Variants in SNX29 observed in about 807,000 individuals in gnomAD.
SNX29 encodes the protein sorting nexin-29.
In SNX29, 78 loss-of-function variants were observed where a neutral mutation model predicts 102.1. The observed-to-expected ratio is 0.76, with a 90% CI of 0.64 to 0.92. The LOEUF (loss-of-function observed/expected upper bound fraction) is 0.92, where lower values mean the gene tolerates loss of function less well. SNX29 is among the 40% of genes least tolerant of loss of function. The pLI is 0.00. For missense variants in SNX29, 1,280 were observed against 1,061.7 expected (o/e 1.21, Z -2.86); for synonymous variants, 580 against 414.5 (o/e 1.40, Z -4.85).
At chr16:12,136,044 G>A (rs769774911) in intron 13 of SNX29, among the ~76,000 whole-genome samples, 2 of 152,216 alleles carry the variant, frequency 1.3e-5, no homozygotes, top group African/African-American at 4.8e-5. Context: ...TCAGAGTGCC[G>A]CTGCAGACTT....
intron 1 of SNX29, chr16:11,977,302 C>A (rs3851004): frequency 0.055 from 8,510 of 156,102 alleles, 579 homozygotes; most frequent in African/African-American, 0.15. Context: ...CCAGTACCCC[C>A]GTGTCCCAGG....
intron 20 of SNX29, among the ~76,000 whole-genome samples, chr16:12,561,595 G>A (rs567417359): frequency 6.2e-4 from 94 of 152,176 alleles, no homozygotes; most frequent in Non-Finnish European, 7.1e-4. Context: ...CCGCATGCTG[G>A]TGACAGGACA....
chr16:12,067,010 AATAAATAAATAAATAAATAAAT>A lies in SNX29; in HGVS notation c.1244-2045_1244-2024del, dbSNP rs1567176123. ...AAATAAATAAATAAATAAATAAATAAATAAATAAATAAATAAATAAATAAGCAGGCCAGTCATGAGGGTGCAT... is the reference window on the plus strand; with the variant it reads ...AAATAAATAAATAAATAAATAAATAAAAGCAGGCCAGTCATGAGGGTGCAT... On this transcript the variant is annotated intron_variant, in intron 9 of 20. Transcript: ENST00000566228. 6.6e-3 allele frequency among the ~76,000 whole-genome samples: 1,000 copies of A among 150,560 alleles called. 16 individuals carry two copies. Among genetic ancestry groups the A allele is most frequent in the African/African-American group, 0.023 (948 of 41,142 alleles).
chr16:12,500,263 G>A (rs2151890787), intron 19 of SNX29, among the ~76,000 whole-genome samples: 1 of 152,314 alleles, frequency 6.6e-6, no homozygotes, highest in South Asian at 2.1e-4. Flanking sequence ...CTCCCAAAGT[G>A]CTAGGATTAT....
intron 14 of SNX29, among the ~76,000 whole-genome samples, chr16:12,225,608 T>TG (rs1411217231): frequency 6.6e-6 from 1 of 152,190 alleles, no homozygotes; most frequent in Non-Finnish European, 1.5e-5. Context: ...TGCCCAGTCT[T>TG]GGGTATGTCT....
chr16:12,142,784 A>G (rs1198075474), intron 13 of SNX29, among the ~76,000 whole-genome samples: 1 of 151,774 alleles, frequency 6.6e-6, no homozygotes, highest in Non-Finnish European at 1.5e-5. Context: ...GCTGATCTCA[A>G]ACTCCTGACC....
intron 1 of SNX29, among the ~76,000 whole-genome samples, chr16:11,986,702 G>A (rs561632715): frequency 8.9e-4 from 136 of 152,226 alleles, no homozygotes; most frequent in Non-Finnish European, 1.6e-3. Context: ...TCCATTTATG[G>A]TGTTCTAGGA....
intron 16 of SNX29, among the ~76,000 whole-genome samples, chr16:12,364,885 C>T (rs991538596): frequency 7.2e-5 from 11 of 152,186 alleles, no homozygotes; most frequent in African/African-American, 1.9e-4. Context: ...CCACCACCTC[C>T]GCTCTCTCAC....
chr16:12,310,743 A>G (rs1022320973), intron 15 of SNX29, among the ~76,000 whole-genome samples: 1 of 152,212 alleles, frequency 6.6e-6, no homozygotes, highest in Non-Finnish European at 1.5e-5. Context: ...AAAACTTGTC[A>G]GAAGGTATTC....
chr16:12,243,180 C>A (rs897987126), intron 14 of SNX29, among the ~76,000 whole-genome samples: 1 of 152,244 alleles, frequency 6.6e-6, no homozygotes, highest in Non-Finnish European at 1.5e-5. Context: ...CTTGGGCACA[C>A]ACCGATTCGT....
chr16:12,204,124 C>T (rs955974590), intron 14 of SNX29, among the ~76,000 whole-genome samples: 2 of 152,152 alleles, frequency 1.3e-5, no homozygotes, highest in East Asian at 1.9e-4. Context: ...GGAATGAGGC[C>T]ATCGCACAGA....
At chr16:12,454,537 C>T (rs939496923) in intron 18 of SNX29, among the ~76,000 whole-genome samples, 1 of 152,050 alleles carries the variant, frequency 6.6e-6, no homozygotes, top group Non-Finnish European at 1.5e-5. Flanking sequence ...CCATGGGCCA[C>T]AGGTGCTGCT....
intron 19 of SNX29, among the ~76,000 whole-genome samples, chr16:12,499,628 G>A (rs888768060): frequency 5.3e-5 from 8 of 152,122 alleles, no homozygotes; most frequent in Non-Finnish European, 1.2e-4. Flanking sequence ...CCCCAGACCC[G>A]GTGAATTAGA....
At chr16:12,106,620 C>T (rs143711971) in intron 11 of SNX29, among the ~76,000 whole-genome samples, 3,423 of 150,940 alleles carry the variant, frequency 0.023, 62 homozygotes, top group Middle Eastern at 0.048. Flanking sequence ...ACTACAGGCA[C>T]GTGCCACCAT....
At chr16:12,550,125 C>T (rs570678395) in intron 20 of SNX29, among the ~76,000 whole-genome samples, 2 of 152,290 alleles carry the variant, frequency 1.3e-5, no homozygotes, top group African/African-American at 2.4e-5. Flanking sequence ...TGTACACTCA[C>T]ATGTAAAGGG....
intron 16 of SNX29, among the ~76,000 whole-genome samples, chr16:12,397,251 T>C (rs984051988): frequency 2.0e-5 from 3 of 152,248 alleles, no homozygotes; most frequent in African/African-American, 7.2e-5. Context: ...TTTCTTCATT[T>C]CTTCTTGAAG....
At chr16:12,072,379 C>T (rs1018242271) in intron 10 of SNX29, among the ~76,000 whole-genome samples, 2 of 151,968 alleles carry the variant, frequency 1.3e-5, no homozygotes, top group Non-Finnish European at 2.9e-5. Context: ...TAGCATGAAG[C>T]GTTGTTGAAT....
At chr16:12,056,637 C>G (rs1019430768) in intron 8 of SNX29, among the ~76,000 whole-genome samples, 3 of 152,134 alleles carry the variant, frequency 2.0e-5, no homozygotes, top group Non-Finnish European at 4.4e-5. Context: ...CTCTGTTGGT[C>G]AAAGTTAGGC....
intron 14 of SNX29, among the ~76,000 whole-genome samples, chr16:12,259,356 G>T (rs1007711924): frequency 6.6e-6 from 1 of 152,200 alleles, no homozygotes; most frequent in East Asian, 1.9e-4. Flanking sequence ...AGCATTGGCT[G>T]TGCTGGCTTG....
Sources: gnomAD v4.1 joint callset for allele counts (sites outside exome capture counted in the v4.1 genomes callset) on GRCh38, gnomAD v4.1.1 for gene constraint, MANE v1.5 for transcripts, NCBI Gene and HGNC (gene_info 2026-07-23, HGNC 2026-07-21) for gene names.